ZBTB11: variants seen among roughly 807,000 people sequenced by gnomAD.
The protein encoded by ZBTB11 is zinc finger and BTB domain-containing protein 11.
In ZBTB11, 68 loss-of-function variants were observed where a neutral mutation model predicts 113.1. That is an observed-to-expected ratio of 0.60 (90% CI 0.49 to 0.74). The LOEUF is 0.74. Among genes scored for constraint, ZBTB11 ranks in the 30% least tolerant of loss-of-function variants. ZBTB11 has a pLI of 0.00. For missense variants in ZBTB11, 1,104 were observed against 1,279.4 expected, an observed-to-expected ratio of 0.86 and a Z score of 2.09; for synonymous variants, 518 against 452.6, an observed-to-expected ratio of 1.14 and a Z score of -1.83.
chr3:101,650,245 AAATTAAAC>A lies in ZBTB11; in HGVS notation c.*913_*920del, dbSNP rs1936675963. ...ATTTCTCAACTGCAGTTTTTCAACC[AAATTAAAC>A]AATTAAACATGATACAAAAGCTGAA... On this transcript the variant is annotated 3_prime_UTR_variant, in exon 11 of 11. Transcript: ENST00000312938. The A allele has an allele frequency of 6.6e-6, 1 of 152,194 alleles. No individual in the cohort carries two copies. The highest frequency in any genetic ancestry group is 1.5e-5 in the Non-Finnish European group (1 of 68,016). The allele number at this position is 152,194 out of a possible 1,614,324, so 9.4% of individuals were successfully genotyped here. A position where few individuals can be genotyped will look rare whatever the true frequency, so the allele number is the denominator to read the frequency against.
In ZBTB11 at chr3:101,677,019, G is replaced by A. The variant is rs1290892042; in HGVS notation, c.-105C>T. ...GAGCGGCGGCACCGTAGGGAGAAAC[G>A]GCTGCGCCTTTGGCGAGCGCTCTTC... On this transcript the variant is annotated 5_prime_UTR_variant, in exon 1 of 11. Transcript: ENST00000312938. 7.7e-7 allele frequency: 1 copy of A among 1,304,928 alleles called. No homozygotes were observed. The highest frequency in any genetic ancestry group is 2.7e-5 in the East Asian group (1 of 37,266). The allele number at this position is 1,304,928 out of a possible 1,614,324, so 80.8% of individuals were successfully genotyped here.
intron 3 of ZBTB11, chr3:101,670,890 T>C (rs1268091512): frequency 2.2e-6 from 1 of 449,050 alleles, no homozygotes; most frequent in Non-Finnish European, 4.0e-6. Context: ...GTTTAAATCC[T>C]AGAAATTCTT....
chr3:101,656,166 T>A lies in ZBTB11; in HGVS notation c.2129A>T (p.Glu710Val). 6.2e-7 allele frequency: 1 copy of A among 1,601,988 alleles called. No individual in the cohort carries two copies. Among genetic ancestry groups the A allele is most frequent in the Non-Finnish European group, 8.5e-7 (1 of 1,174,810 alleles). Residue 710 changes from glutamate to valine, a missense_variant, in exon 7 of 11, where the codon GAA becomes GTA. This residue lies in a region of ZBTB11 where 535 missense variants were observed against 518.6 expected (regional missense o/e 1.03). Transcript: ENST00000312938. ...GGTAACAAATGACTTAACACACAGT[T>A]CACACTGGAACTGCTTCTGTGATTG... ...LHQSQKQFQC[E>V]LCVKSFVTKR...
chr3:101,652,806 C>T lies in ZBTB11; in HGVS notation c.2442G>A (p.Lys814=). The change falls in exon 9 of 11, where the codon AAG becomes AAA. Residue 814 remains lysine, a synonymous_variant. Transcript: ENST00000312938. ...TATAAGGCTCAGTGACAGAATGAGA[C>T]TTCACATGGGAATACCAATCTTTCT... ...SWKKDWYSHV[K]SHSVTEPYRC... The T allele has an allele frequency of 6.2e-7, 1 of 1,613,812 alleles. No individual in the cohort carries two copies. Among genetic ancestry groups the T allele is most frequent in the Non-Finnish European group, 8.5e-7 (1 of 1,179,958 alleles).
At chr3:101,674,697 A>T (rs1937134503) in intron 1 of ZBTB11, among the ~76,000 whole-genome samples, 1 of 139,206 alleles carries the variant, frequency 7.2e-6, no homozygotes. Flanking sequence ...ACTCTGTCTC[A>T]ATAAATAAAT....
Position 101,677,030 on chromosome 3 carries a change from T to G in ZBTB11, c.-116A>C, listed in dbSNP as rs936946706. 1 of 1,205,666 alleles carries G rather than the reference T, an allele frequency of 8.3e-7. No individual in the cohort carries two copies. The highest frequency in any genetic ancestry group is 3.2e-5 in the Admixed American group (1 of 31,742). The allele number at this position is 1,205,666 out of a possible 1,614,324, so 74.7% of individuals were successfully genotyped here. ...CCGTAGGGAGAAACGGCTGCGCCTT[T>G]GGCGAGCGCTCTTCGACGGCTCCCT... is the stretch of plus-strand genomic sequence containing the variant. On this transcript the variant is annotated 5_prime_UTR_variant, in exon 1 of 11. Transcript: ENST00000312938.
intron 1 of ZBTB11, 62 bp from the exon 2 acceptor site, chr3:101,672,275 T>A: frequency 3.3e-6 from 4 of 1,197,434 alleles, no homozygotes; most frequent in Non-Finnish European, 4.8e-6. Flanking sequence ...AATATATTAT[T>A]TAGTCTGTGC....
intron 3 of ZBTB11, among the ~76,000 whole-genome samples, chr3:101,668,748 A>G (rs1937036707): frequency 6.6e-6 from 1 of 152,200 alleles, no homozygotes. Flanking sequence ...ATGTACCAAA[A>G]TATCATTTTG....
intron 10 of ZBTB11, 138 bp downstream of exon 10, chr3:101,652,358 T>C: frequency 1.2e-6 from 1 of 813,814 alleles, no homozygotes. Flanking sequence ...GTACTCAGGT[T>C]CAGGATCACC....
At position 101,650,771 on chromosome 3, in the gene ZBTB11, G is replaced by C. The variant is rs1179260335; in HGVS notation, c.*395C>G. On this transcript the variant is annotated 3_prime_UTR_variant, in exon 11 of 11. Transcript: ENST00000312938. ...ATCTCTATATTTTGAGAATAAAACA[G>C]AAGAAAAGCCAACTGGTGCAGCCTT... The C allele has an allele frequency of 6.5e-6, 1 of 154,566 alleles. No individual in the cohort carries two copies. The highest frequency in any genetic ancestry group is 1.4e-5 in the Non-Finnish European group (1 of 69,770). 9.6% of individuals were successfully genotyped at this position (154,566 alleles called of 1,614,324 possible). A position where few individuals can be genotyped will look rare whatever the true frequency, so the allele number is the denominator to read the frequency against.
At chr3:101,674,796 T>C (rs1937136828) in intron 1 of ZBTB11, among the ~76,000 whole-genome samples, 1 of 151,016 alleles carries the variant, frequency 6.6e-6, no homozygotes, top group African/African-American at 2.4e-5. Flanking sequence ...AAAAAACAAC[T>C]GGATTAGAAT....
Position 101,677,057 on chromosome 3 carries a change from A to C in ZBTB11, c.-143T>G, listed in dbSNP as rs979152355. On this transcript the variant is annotated 5_prime_UTR_variant, in exon 1 of 11. Coordinates refer to ENST00000312938, the MANE Select transcript of ZBTB11 (RefSeq NM_014415.4). ...GCGAGCGCTCTTCGACGGCTCCCTT[A>C]GTCCGAAGGAAAAGCGGGCGAGTTG... 1 of 918,802 alleles carries C rather than the reference A, an allele frequency of 1.1e-6. No homozygotes were observed. Among genetic ancestry groups the C allele is most frequent in the African/African-American group, 1.7e-5 (1 of 58,234 alleles). The allele number at this position is 918,802 out of a possible 1,614,324, so 56.9% of individuals were successfully genotyped here.
chr3:101,656,196 A>G lies in ZBTB11; in HGVS notation c.2099T>C (p.Leu700Pro). ...CTGGAACTGCTTCTGTGATTGATGA[A>G]GACTCTGATGTAATTTTAGACCATG... is the stretch of plus-strand genomic sequence containing the variant. ...YKHGLKLHQSLHQSQKQFQCE... is the reference protein window; with the variant it reads ...YKHGLKLHQSPHQSQKQFQCE... Residue 700 changes from leucine to proline, a missense_variant, in exon 7 of 11, where the codon CTT (leucine) becomes CCT (proline). Physicochemically the swap from Leu to Pro is moderately conservative, Grantham distance 98 (BLOSUM62 -3). Coordinates refer to ENST00000312938, the MANE Select transcript of ZBTB11 (RefSeq NM_014415.4). The G allele has an allele frequency of 6.2e-7, 1 of 1,601,692 alleles. No individual in the cohort carries two copies.
Position 101,654,718 on chromosome 3 carries a change from G to A in ZBTB11, c.2295C>T (p.Gly765=). 1 of 1,613,904 alleles carries A rather than the reference G, an allele frequency of 6.2e-7. No individual in the cohort carries two copies. Among genetic ancestry groups the A allele is most frequent in the Admixed American group, 1.7e-5 (1 of 59,994 alleles). The change falls in exon 8 of 11, where the codon GGC becomes GGT. Residue 765 remains glycine, a synonymous_variant. Coordinates refer to ENST00000312938, the MANE Select transcript of ZBTB11 (RefSeq NM_014415.4). ...KKHQPKPEVR[G]YHCTQCEKSF... ...TGAATACTTACTGAGTACAATGATAGCCTCGAACCTCAGGCTTTGGTTGGT... is the reference window on the plus strand; with the variant it reads ...TGAATACTTACTGAGTACAATGATAACCTCGAACCTCAGGCTTTGGTTGGT...
At chr3:101,655,664 C>CTT (rs774936234) in intron 7 of ZBTB11, among the ~76,000 whole-genome samples, 115 of 142,076 alleles carry the variant, frequency 8.1e-4, no homozygotes, top group African/African-American at 2.8e-3. Context: ...TGAGAAAACG[C>CTT]TTTTTTTTTT....
intron 6 of ZBTB11, among the ~76,000 whole-genome samples, chr3:101,656,642 A>AT (rs1230236138): frequency 6.6e-6 from 1 of 151,484 alleles, no homozygotes; most frequent in African/African-American, 2.4e-5. Context: ...AGAACTAATT[A>AT]TTTTTTTTTC....
intron 6 of ZBTB11, 136 bp from the exon 7 acceptor site, chr3:101,656,384 A>T: frequency 1.9e-6 from 1 of 527,550 alleles, no homozygotes; most frequent in Non-Finnish European, 2.6e-6. Flanking sequence ...CATAATGACA[A>T]AGTGAAAGTT....
chr3:101,668,711 C>G (rs1171520933), intron 3 of ZBTB11, among the ~76,000 whole-genome samples: 1 of 151,880 alleles, frequency 6.6e-6, no homozygotes, highest in African/African-American at 2.4e-5. Flanking sequence ...CCTAATTACC[C>G]TCATTTGATC....
At chr3:101,653,072 A>C in intron 8 of ZBTB11, 134 bp from the exon 9 acceptor site, 2 of 960,636 alleles carry the variant, frequency 2.1e-6, no homozygotes, top group Non-Finnish European at 3.0e-6. Flanking sequence ...CTAATTTTCT[A>C]ATCTTACATA....
Sources: allele counts gnomAD v4.1 joint callset (sites outside exome capture counted in the v4.1 genomes callset), GRCh38; gene constraint gnomAD v4.1.1; regional missense constraint gnomAD v4.1.1; transcripts MANE v1.5; gene names NCBI Gene and HGNC (gene_info 2026-07-23, HGNC 2026-07-21).